Variants in SEMA5A observed in about 807,000 individuals in gnomAD.
SEMA5A encodes the protein semaphorin 5A.
A neutral mutation model predicts 135.5 loss-of-function variants in SEMA5A; 55 were observed. The ratio of observed to expected loss-of-function variants is 0.41; its 90% confidence interval spans 0.33 to 0.51. The LOEUF is 0.51. Ranked by LOEUF, SEMA5A falls within the 20% of genes least tolerant of loss-of-function variation. SEMA5A has a pLI of 0.37. For synonymous variants in SEMA5A, 580 were observed against 546.5 expected (o/e 1.06, Z -0.85); for missense variants, 1,290 against 1,419.9 (o/e 0.91, Z 1.47).
At chr5:9,303,079 TACAC>T (rs556100328) in intron 5 of SEMA5A, among the ~76,000 whole-genome samples, 7 of 149,728 alleles carry the variant, frequency 4.7e-5, no homozygotes, top group Admixed American at 4.0e-4. Flanking sequence ...TTAACTTAAA[TACAC>T]ACACACACAC....
At position 9,331,481 on chromosome 5, in the gene SEMA5A, A is replaced by G. The variant is rs371263895; in HGVS notation, c.224+6232T>C. 5.3e-5 allele frequency among the ~76,000 whole-genome samples: 8 copies of G among 152,334 alleles called. No individual in the cohort carries two copies. The East Asian group carries it at 1.3e-3, about 26-fold the overall frequency. ...TGTAAACAAACCAAAATTCAACTCA[A>G]TGTAAATAGTAAAAGGAAACTTAAG... On this transcript the variant is annotated intron_variant, in intron 4 of 22. Coordinates refer to ENST00000382496, the MANE Select transcript of SEMA5A (RefSeq NM_003966.3).
rs1734874241 is a variant in SEMA5A at position 9,489,142 on chromosome 5, T to C, written c.-174-51290A>G. On this transcript the variant is annotated intron_variant, in intron 1 of 22. Coordinates refer to ENST00000382496, the MANE Select transcript of SEMA5A (RefSeq NM_003966.3). ...CAGGTTGACACATACAACCATTACA[T>C]CCAAAAAGCATCCTTCAGCAGCTTT... 2.0e-5 allele frequency among the ~76,000 whole-genome samples: 3 copies of C among 152,116 alleles called. No individual in the cohort carries two copies. In the South Asian group the frequency reaches 6.2e-4, roughly 32 times the overall value.
intron 12 of SEMA5A, among the ~76,000 whole-genome samples, chr5:9,139,652 A>C (rs1404300458): frequency 6.6e-6 from 1 of 152,164 alleles, no homozygotes; most frequent in Non-Finnish European, 1.5e-5. Context: ...TGATTTTTGC[A>C]TTAAAATGCA....
chr5:9,207,499 T>A (rs1391528653), intron 8 of SEMA5A, among the ~76,000 whole-genome samples: 1 of 152,184 alleles, frequency 6.6e-6, no homozygotes, highest in Non-Finnish European at 1.5e-5. Flanking sequence ...ATGCTGAGTT[T>A]TTAAATAGCA....
At chr5:9,071,520 T>G (rs1445509751) in intron 16 of SEMA5A, among the ~76,000 whole-genome samples, 1 of 152,210 alleles carries the variant, frequency 6.6e-6, no homozygotes, top group Non-Finnish European at 1.5e-5. Context: ...TCATATTGAT[T>G]AAGTAACAGA....
intron 11 of SEMA5A, among the ~76,000 whole-genome samples, chr5:9,167,230 A>G (rs1743659261): frequency 6.6e-6 from 1 of 152,122 alleles, no homozygotes. Context: ...AGCTTTCTTT[A>G]GGCACTGTCT....
chr5:9,404,191 C>T (rs547651087), intron 2 of SEMA5A, among the ~76,000 whole-genome samples: 2 of 152,290 alleles, frequency 1.3e-5, no homozygotes, highest in East Asian at 3.9e-4. Context: ...ACCTCAGCCT[C>T]TCAAAGTGCT....
intron 1 of SEMA5A, among the ~76,000 whole-genome samples, chr5:9,468,700 G>C (rs2126747712): frequency 6.6e-6 from 1 of 152,146 alleles, no homozygotes; most frequent in South Asian, 2.1e-4. Flanking sequence ...CCCGTCAAAT[G>C]GTGGCATCCA....
intron 11 of SEMA5A, among the ~76,000 whole-genome samples, chr5:9,174,608 C>A (rs1199526312): frequency 1.3e-5 from 2 of 152,136 alleles, no homozygotes; most frequent in Non-Finnish European, 2.9e-5. Flanking sequence ...GAGGTCAAGG[C>A]CTAAATGTGC....
chr5:9,521,680 T>C (rs1736841746), intron 1 of SEMA5A, among the ~76,000 whole-genome samples: 1 of 152,196 alleles, frequency 6.6e-6, no homozygotes, highest in South Asian at 2.1e-4. Flanking sequence ...TGTTTTTCCC[T>C]ATTGGTCCCA....
intron 9 of SEMA5A, among the ~76,000 whole-genome samples, chr5:9,200,865 A>G (rs2150365801): frequency 6.6e-6 from 1 of 152,310 alleles, no homozygotes; most frequent in Admixed American, 6.5e-5. Flanking sequence ...ATACTTAGGA[A>G]GCAGAAAGGA....
chr5:9,432,120 G>T (rs777819684), intron 2 of SEMA5A, among the ~76,000 whole-genome samples: 1 of 151,496 alleles, frequency 6.6e-6, no homozygotes, highest in Non-Finnish European at 1.5e-5. Context: ...CAATTCTCCT[G>T]TCAGTGAGCT....
intron 1 of SEMA5A, among the ~76,000 whole-genome samples, chr5:9,461,673 G>A (rs1392213422): frequency 6.6e-6 from 1 of 152,282 alleles, no homozygotes; most frequent in Admixed American, 6.5e-5. Flanking sequence ...CCTGAAGGAT[G>A]CATCTGTAAG....
intron 11 of SEMA5A, among the ~76,000 whole-genome samples, chr5:9,184,353 G>A (rs1744692513): frequency 6.6e-6 from 1 of 150,788 alleles, no homozygotes; most frequent in South Asian, 2.1e-4. Context: ...AATTAATATT[G>A]CACAAATACA....
At chr5:9,303,502 T>G (rs1054826810) in intron 5 of SEMA5A, among the ~76,000 whole-genome samples, 1 of 152,180 alleles carries the variant, frequency 6.6e-6, no homozygotes, top group Non-Finnish European at 1.5e-5. Flanking sequence ...CCATTAATTT[T>G]TTTTAAGTTT....
intron 21 of SEMA5A, among the ~76,000 whole-genome samples, chr5:9,045,281 A>T (rs1736188215): frequency 2.0e-5 from 3 of 152,178 alleles, no homozygotes; most frequent in Admixed American, 2.0e-4. Context: ...CAATGGGTTG[A>T]GCCTCCCTGT....
chr5:9,471,470 C>T (rs901839607), intron 1 of SEMA5A, among the ~76,000 whole-genome samples: 4 of 152,164 alleles, frequency 2.6e-5, no homozygotes, highest in South Asian at 4.2e-4. Context: ...GCCCTTCCTA[C>T]CAATACATAA....
chr5:9,091,705 C>T (rs1057209166), intron 16 of SEMA5A, among the ~76,000 whole-genome samples: 2 of 152,214 alleles, frequency 1.3e-5, no homozygotes, highest in East Asian at 3.9e-4. Context: ...GTCACATAAA[C>T]CATGAGGGCT....
intron 12 of SEMA5A, among the ~76,000 whole-genome samples, chr5:9,142,270 C>G (rs529761687): frequency 6.6e-6 from 1 of 152,128 alleles, no homozygotes; most frequent in South Asian, 2.1e-4. Flanking sequence ...CAGAAGTGAC[C>G]CATTTGATAG....
Sources: allele counts gnomAD v4.1 joint callset (sites outside exome capture counted in the v4.1 genomes callset), GRCh38; gene constraint gnomAD v4.1.1; transcripts MANE v1.5; gene names NCBI Gene and HGNC (gene_info 2026-07-23, HGNC 2026-07-21).